Variants in ACER3 observed in about 807,000 individuals in gnomAD.
ACER3 encodes alkCDase 3.
ACER3 carries 16 observed loss-of-function variants against 48.9 expected under a neutral mutation model. That is an observed-to-expected ratio of 0.33 (90% CI 0.22 to 0.50). The LOEUF (loss-of-function observed/expected upper bound fraction) is 0.50. Among genes scored for constraint, ACER3 ranks in the 20% least tolerant of loss-of-function variants. ACER3 has a pLI of 0.98. For synonymous variants in ACER3, 109 were observed against 107.8 expected (o/e 1.01, Z -0.07); for missense variants, 227 against 326.0 (o/e 0.70, Z 2.34).
At chr11:76,948,573 A>G (rs1404312217) in intron 2 of ACER3, among the ~76,000 whole-genome samples, 3 of 152,186 alleles carry the variant, frequency 2.0e-5, no homozygotes, top group Non-Finnish European at 4.4e-5. Context: ...TTATTTTGAT[A>G]GTACTAATAA....
intron 4 of ACER3, among the ~76,000 whole-genome samples, chr11:76,976,967 T>C (rs1948458489): frequency 6.6e-6 from 1 of 152,190 alleles, no homozygotes; most frequent in South Asian, 2.1e-4. Flanking sequence ...AAGGAAAAAA[T>C]CAATCTTGAA....
rs1455830583 is a variant in ACER3, at chr11:76,951,132, C to A, written c.215-7847C>A. On this transcript the variant is annotated intron_variant, in intron 2 of 10. Transcript: ENST00000532485. Reference sequence around the variant, plus strand: ...TACTAAAATCAGAGGTTCTAAAGTACCTGTATCCTATCAAAAACAATTTTA... The same window carrying A: ...TACTAAAATCAGAGGTTCTAAAGTAACTGTATCCTATCAAAAACAATTTTA... Among the ~76,000 whole-genome samples, 3 of 152,114 alleles carry A rather than the reference C, an allele frequency of 2.0e-5. No individual in the cohort carries two copies. The East Asian group carries it at 5.8e-4, about 29-fold the overall frequency.
chr11:76,942,507 A>C (rs961517966), intron 2 of ACER3, among the ~76,000 whole-genome samples: 2 of 152,020 alleles, frequency 1.3e-5, no homozygotes, highest in Non-Finnish European at 2.9e-5. Flanking sequence ...CATATGTTTA[A>C]CTATCCTTGC....
rs1380193830 is a variant in ACER3 at position 76,906,315 on chromosome 11, A to G, written c.104-20242A>G. Among the ~76,000 whole-genome samples the G allele has an allele frequency of 3.3e-5, 5 of 152,292 alleles. No homozygotes were observed. The South Asian group carries it at 1.0e-3, about 32-fold the overall frequency. On this transcript the variant is annotated intron_variant, in intron 1 of 10. Transcript: ENST00000532485. ...GCTCAGGAGTCACAGGCCAGAGGAC[A>G]CACATTTGTGACTTCTCTGATTACT...
intron 2 of ACER3, chr11:76,958,741 G>A: frequency 5.7e-6 from 3 of 523,044 alleles, no homozygotes; most frequent in Non-Finnish European, 1.0e-5. Flanking sequence ...ATGGAATATT[G>A]TTAGTCTAGT....
chr11:76,988,493 AAGAAGTGC>A (rs1052627581), intron 5 of ACER3, among the ~76,000 whole-genome samples: 10 of 152,196 alleles, frequency 6.6e-5, no homozygotes, highest in African/African-American at 2.4e-4. Flanking sequence ...TGGCAGGAGA[AAGAAGTGC>A]AGAGCGAAGG....
intron 7 of ACER3, among the ~76,000 whole-genome samples, chr11:77,008,677 A>G (rs2135301080): frequency 6.6e-6 from 1 of 152,362 alleles, no homozygotes; most frequent in Non-Finnish European, 1.5e-5. Flanking sequence ...GAAACATCTG[A>G]AAATTCCTCC....
Position 76,959,154 on chromosome 11 carries a change from C to T in ACER3, c.267+123C>T. The T allele has an allele frequency of 1.9e-6, 3 of 1,549,310 alleles. No homozygotes were observed. In the African/African-American group the frequency reaches 4.1e-5, roughly 21 times the overall value. On this transcript the variant is annotated intron_variant, in intron 3 of 10. Transcript: ENST00000532485. ...TTGTAATCTCTGGAGTTTTTTACTT[C>T]AAGTCTGAGGATCCAAACTGACTAA...
intron 1 of ACER3, among the ~76,000 whole-genome samples, chr11:76,863,452 G>A (rs910688471): frequency 4.6e-5 from 7 of 152,114 alleles, no homozygotes; most frequent in African/African-American, 9.7e-5. Flanking sequence ...AGCCCTTTGC[G>A]CATGCACCTT....
rs533377947 is a variant in ACER3 at position 76,934,093 on chromosome 11, G to A, written c.214+7426G>A. ...CTCCTCACTTCCTAGATGGGATGGC[G>A]GCCAGGAAGAGGCACTCCTCACTTC... On this transcript the variant is annotated intron_variant, in intron 2 of 10. Coordinates refer to ENST00000532485, the MANE Select transcript of ACER3 (RefSeq NM_018367.7). 4.3e-3 allele frequency among the ~76,000 whole-genome samples: 647 copies of A among 151,754 alleles called. 5 individuals are homozygous for A. The highest frequency in any genetic ancestry group is 6.5e-3 in the African/African-American group (268 of 41,332).
At chr11:76,887,517 AAT>A (rs1010361531) in intron 1 of ACER3, among the ~76,000 whole-genome samples, 7 of 152,130 alleles carry the variant, frequency 4.6e-5, no homozygotes, top group Admixed American at 3.9e-4. Context: ...TAGTTTTTCA[AAT>A]ATATATATTT....
intron 1 of ACER3, among the ~76,000 whole-genome samples, chr11:76,877,520 T>TCC (rs141197129): frequency 1.3e-5 from 2 of 152,062 alleles, no homozygotes; most frequent in East Asian, 1.9e-4. Context: ...TTCCTTTTTT[T>TCC]CCCCCCCATT....
chr11:76,877,161 G>A (rs1945402687), intron 1 of ACER3, among the ~76,000 whole-genome samples: 1 of 152,102 alleles, frequency 6.6e-6, no homozygotes, highest in South Asian at 2.1e-4. Context: ...ACTCCAAAGA[G>A]TTATTTTACC....
chr11:77,005,036 C>CTTTTTTTTTTTTTTTTTTTTTTT, intron 7 of ACER3, among the ~76,000 whole-genome samples: 1 of 112,866 alleles, frequency 8.9e-6, no homozygotes, highest in Non-Finnish European at 1.9e-5. Context: ...TAAACTTTTT[C>CTTTTTTTTTTTTTTTTTTTTTTT]TTTTTTTTTT....
Position 77,026,766 on chromosome 11 carries a change from TATTAA to T in ACER3, c.*6447_*6451del, listed in dbSNP as rs1162546270. On this transcript the variant is annotated 3_prime_UTR_variant, in exon 11 of 11. Transcript: ENST00000532485. ...ATTCATTACCTCTCATAGGTGAAAA[TATTAA>T]ATTAAATAATATTGTTTTGAATAAG... is the stretch of plus-strand genomic sequence containing the variant. 2 of 152,204 alleles carry T rather than the reference TATTAA, an allele frequency of 1.3e-5. No individual in the cohort carries two copies. Among genetic ancestry groups the T allele is most frequent in the Admixed American group, 6.5e-5 (1 of 15,268 alleles). 9.4% of individuals were successfully genotyped at this position (152,204 alleles called of 1,614,324 possible). A position where few individuals can be genotyped will look rare whatever the true frequency, so the allele number is the denominator to read the frequency against.
intron 6 of ACER3, among the ~76,000 whole-genome samples, chr11:76,997,696 G>C (rs1948944390): frequency 6.6e-6 from 1 of 152,094 alleles, no homozygotes; most frequent in South Asian, 2.1e-4. Flanking sequence ...AATTAGCCAG[G>C]ATGTGGTTAC....
chr11:76,996,918 G>A (rs897017187), intron 6 of ACER3, among the ~76,000 whole-genome samples: 2 of 151,658 alleles, frequency 1.3e-5, no homozygotes, highest in African/African-American at 4.9e-5. Context: ...TAGAGATGGG[G>A]TTTCACCATG....
rs1282909251 is a variant in ACER3, at chr11:76,860,951, G to C, written c.-26G>C. 1.3e-6 allele frequency: 2 copies of C among 1,504,410 alleles called. No homozygotes were observed. Among genetic ancestry groups the C allele is most frequent in the East Asian group, 2.6e-5 (1 of 39,050 alleles). 93.2% of individuals were successfully genotyped at this position (1,504,410 alleles called of 1,614,324 possible). A position where few individuals can be genotyped will look rare whatever the true frequency, so the allele number is the denominator to read the frequency against. The stretch of plus-strand genomic sequence containing the variant: ...CCTAACCCGGCACAGTGAGCGGAGC[G>C]CCTGGGCGGCGGCGGCGGCGGCGTG... On this transcript the variant is annotated 5_prime_UTR_variant, in exon 1 of 11. Transcript: ENST00000532485.
chr11:77,011,247 G>A, intron 7 of ACER3: 1 of 775,058 alleles, frequency 1.3e-6, no homozygotes, highest in Non-Finnish European at 1.6e-6. Context: ...CCTTAGCCTT[G>A]CATGGACCAT....
Sources: allele counts gnomAD v4.1 joint callset (sites outside exome capture counted in the v4.1 genomes callset), GRCh38; gene constraint gnomAD v4.1.1; transcripts MANE v1.5; gene names NCBI Gene and HGNC (gene_info 2026-07-23, HGNC 2026-07-21).